The following SIL1 variants were observed in gnomAD, a reference collection of about 807,000 sequenced individuals.
SIL1 encodes the protein nucleotide exchange factor SIL1.
In SIL1, 40 loss-of-function variants were observed where a neutral mutation model predicts 49.1. That is an observed-to-expected ratio of 0.81 (90% CI 0.63 to 1.06). The LOEUF (loss-of-function observed/expected upper bound fraction) is 1.06, where lower values mean the gene tolerates loss of function less well. SIL1 is among the 50% of genes least tolerant of loss of function. The pLI, the probability that SIL1 is intolerant of heterozygous loss-of-function variation, is 0.00. For missense variants in SIL1, 500 were observed against 572.6 expected (o/e 0.87, Z 1.29); for synonymous variants, 253 against 250.8 (o/e 1.01, Z -0.08).
rs112429415 is a variant in SIL1, at chr5:139,044,465, C to T, written c.354-1746G>A. Reference sequence around the variant, plus strand: ...ACCCACTCTCAGTCCCAACTACATACACACAAGCATGCACATGTGCACTCA... The same window carrying T: ...ACCCACTCTCAGTCCCAACTACATATACACAAGCATGCACATGTGCACTCA... On this transcript the variant is annotated intron_variant, in intron 4 of 9. Coordinates refer to ENST00000394817, the MANE Select transcript of SIL1 (RefSeq NM_022464.5). 5.9e-4 allele frequency among the ~76,000 whole-genome samples: 90 copies of T among 152,302 alleles called. 1 individual carries two copies. The highest frequency in any genetic ancestry group is 2.2e-3 in the African/African-American group (90 of 41,560).
intron 3 of SIL1, among the ~76,000 whole-genome samples, chr5:139,072,499 C>T (rs1241486388): frequency 1.3e-5 from 2 of 152,078 alleles, no homozygotes; most frequent in Non-Finnish European, 1.5e-5. Flanking sequence ...GGAATATCCA[C>T]ATGTAAAAGA....
intron 6 of SIL1, among the ~76,000 whole-genome samples, chr5:139,022,841 C>T (rs1057057339): frequency 3.9e-5 from 6 of 152,196 alleles, no homozygotes; most frequent in African/African-American, 1.2e-4. Context: ...ACATAAGCAC[C>T]TTCCTTCCTT....
chr5:139,173,872 T>C (rs1411726352), intron 1 of SIL1, among the ~76,000 whole-genome samples: 2 of 147,148 alleles, frequency 1.4e-5, no homozygotes, highest in Admixed American at 6.8e-5. Context: ...GGCAGGAGAA[T>C]GACGTGAACC....
intron 1 of SIL1, among the ~76,000 whole-genome samples, chr5:139,151,924 T>G (rs1751307723): frequency 6.6e-6 from 1 of 152,262 alleles, no homozygotes; most frequent in African/African-American, 2.4e-5. Flanking sequence ...AAGAAGTCTT[T>G]ATTTCTCAAT....
intron 5 of SIL1, among the ~76,000 whole-genome samples, chr5:139,030,120 C>T (rs944262171): frequency 2.6e-5 from 4 of 151,306 alleles, no homozygotes; most frequent in African/African-American, 9.7e-5. Flanking sequence ...AGTTCGAGAA[C>T]AGCCTAGGCA....
At chr5:139,005,423 TTTTATTTA>T (rs1197438821) in intron 7 of SIL1, among the ~76,000 whole-genome samples, 1 of 151,084 alleles carries the variant, frequency 6.6e-6, no homozygotes. Flanking sequence ...TTTTTTAAAT[TTTTATTTA>T]TTTATTTATT....
At chr5:139,120,784 T>C (rs1021657299) in intron 3 of SIL1, among the ~76,000 whole-genome samples, 12 of 152,306 alleles carry the variant, frequency 7.9e-5, no homozygotes, top group African/African-American at 2.9e-4. Flanking sequence ...AAGTTTTCAA[T>C]CACTTGCTCA....
intron 1 of SIL1, among the ~76,000 whole-genome samples, chr5:139,148,260 C>T (rs771287649): frequency 2.2e-4 from 33 of 152,152 alleles, no homozygotes; most frequent in Non-Finnish European, 3.5e-4. Flanking sequence ...GGTCAGGGGG[C>T]CCTGCAAGAT....
chr5:139,106,410 C>T (rs988531623), intron 3 of SIL1, among the ~76,000 whole-genome samples: 1 of 152,202 alleles, frequency 6.6e-6, no homozygotes. Context: ...TAATATAATA[C>T]ACAATTCGGA....
At position 139,005,329 on chromosome 5, in the gene SIL1, TG is replaced by T. The variant is rs1435066840; in HGVS notation, c.767+15841del. Among the ~76,000 whole-genome samples the T allele has an allele frequency of 8.5e-5, 13 of 152,150 alleles. No homozygotes were observed. In the East Asian group the frequency reaches 1.5e-3, roughly 18 times the overall value. ...TCCATTGTCACTTTTGATAGCCTAT[TG>T]TTTTTTTGCCCATACTTTTGATAAA... On this transcript the variant is annotated intron_variant, in intron 7 of 9. Coordinates refer to ENST00000394817, the MANE Select transcript of SIL1 (RefSeq NM_022464.5).
intron 1 of SIL1, among the ~76,000 whole-genome samples, chr5:139,139,302 C>T (rs776518634): frequency 1.3e-5 from 2 of 152,200 alleles, no homozygotes; most frequent in Non-Finnish European, 2.9e-5. Context: ...CCAGATACCA[C>T]GGTCAGGGTT....
intron 7 of SIL1, among the ~76,000 whole-genome samples, chr5:138,995,300 T>G (rs1395804026): frequency 6.6e-6 from 1 of 150,836 alleles, no homozygotes; most frequent in African/African-American, 2.4e-5. Context: ...CAGGCTGGAG[T>G]GTAATGGCGT....
chr5:139,059,761 T>C (rs532550639), intron 3 of SIL1, among the ~76,000 whole-genome samples: 11 of 152,236 alleles, frequency 7.2e-5, no homozygotes, highest in Non-Finnish European at 1.5e-4. Flanking sequence ...TTTATCTGTA[T>C]ATATTTTTAA....
chr5:139,123,521 C>T (rs2151794572), intron 2 of SIL1, among the ~76,000 whole-genome samples: 1 of 152,324 alleles, frequency 6.6e-6, no homozygotes, highest in African/African-American at 2.4e-5. Flanking sequence ...AGGTACTTGC[C>T]TCACATTCCA....
At chr5:139,061,433 A>G (rs545002766) in intron 3 of SIL1, among the ~76,000 whole-genome samples, 50 of 152,384 alleles carry the variant, frequency 3.3e-4, no homozygotes, top group African/African-American at 1.2e-3. Flanking sequence ...TTCCAGTCAT[A>G]CGTGGACACA....
chr5:139,137,214 C>T, intron 1 of SIL1: 1 of 643,268 alleles, frequency 1.6e-6, no homozygotes, highest in Non-Finnish European at 2.8e-6. Context: ...GAGAACTTTC[C>T]ATGTTGCAAG....
At chr5:139,136,674 T>C (rs1750980364) in intron 1 of SIL1, among the ~76,000 whole-genome samples, 1 of 151,572 alleles carries the variant, frequency 6.6e-6, no homozygotes, top group Non-Finnish European at 1.5e-5. Context: ...TTCAAAAGAG[T>C]GTCCACAGAT....
intron 3 of SIL1, among the ~76,000 whole-genome samples, chr5:139,069,319 G>GCTA (rs980737043): frequency 6.6e-6 from 1 of 151,802 alleles, no homozygotes; most frequent in African/African-American, 2.4e-5. Context: ...GAAATGAGGT[G>GCTA]CTAGAACTCA....
intron 1 of SIL1, among the ~76,000 whole-genome samples, chr5:139,193,756 C>T (rs1468553626): frequency 1.3e-5 from 2 of 152,144 alleles, no homozygotes; most frequent in Non-Finnish European, 2.9e-5. Context: ...TGGTTTGCCC[C>T]GGACTTTCCT....
Sources: gnomAD v4.1 joint callset for allele counts (sites outside exome capture counted in the v4.1 genomes callset) on GRCh38, gnomAD v4.1.1 for gene constraint, MANE v1.5 for transcripts, NCBI Gene and HGNC (gene_info 2026-07-23, HGNC 2026-07-21) for gene names.